VDAC1: variants seen among roughly 807,000 people sequenced by gnomAD.
The protein encoded by VDAC1 is non-selective voltage-gated ion channel VDAC1.
VDAC1 carries 10 observed loss-of-function variants against 34.7 expected under a neutral mutation model. The observed-to-expected ratio is 0.29, with a 90% CI of 0.18 to 0.49. The LOEUF (loss-of-function observed/expected upper bound fraction) is 0.49, where lower values mean the gene tolerates loss of function less well. Ranked by LOEUF, VDAC1 falls within the 20% of genes least tolerant of loss-of-function variation. The pLI is 0.99. For missense variants in VDAC1, 230 were observed against 347.9 expected (o/e 0.66, Z 2.69); for synonymous variants, 130 against 136.0 (o/e 0.96, Z 0.30).
At chr5:134,076,442 G>A in the VDAC1 span, among the ~76,000 whole-genome samples, 1 of 152,200 alleles carries the variant, frequency 6.6e-6, no homozygotes, top group Non-Finnish European at 1.5e-5. Flanking sequence ...GTTTCGGTGT[G>A]TCTAAAGTTT....
At chr5:134,061,839 A>G in the VDAC1 span, among the ~76,000 whole-genome samples, 3 of 151,784 alleles carry the variant, frequency 2.0e-5, no homozygotes, top group Non-Finnish European at 4.4e-5. Flanking sequence ...GATTTTCCTC[A>G]TGTCAGATTT....
chr5:134,047,278 T>A, the VDAC1 span, among the ~76,000 whole-genome samples: 8 of 151,872 alleles, frequency 5.3e-5, no homozygotes, highest in Non-Finnish European at 1.0e-4. Flanking sequence ...AAAGGTTGGG[T>A]GTCAAGTGAT....
At chr5:134,013,502 G>T in the VDAC1 span, among the ~76,000 whole-genome samples, 1 of 152,290 alleles carries the variant, frequency 6.6e-6, no homozygotes, top group Middle Eastern at 3.4e-3. Flanking sequence ...CTTCTGCACA[G>T]CAAAAGAAAC....
At chr5:134,061,566 T>C in the VDAC1 span, among the ~76,000 whole-genome samples, 1 of 151,364 alleles carries the variant, frequency 6.6e-6, no homozygotes, top group Non-Finnish European at 1.5e-5. Context: ...AGAGATGGGG[T>C]CTCCCTATGT....
the VDAC1 span, among the ~76,000 whole-genome samples, chr5:134,047,312 C>T: frequency 6.6e-6 from 1 of 152,090 alleles, no homozygotes; most frequent in African/African-American, 2.4e-5. Flanking sequence ...GTAGGTGGTA[C>T]ATTGAGGGAA....
chr5:134,002,943 G>A (rs1368170611), intron 1 of VDAC1, among the ~76,000 whole-genome samples: 2 of 146,318 alleles, frequency 1.4e-5, no homozygotes, highest in Non-Finnish European at 3.0e-5. Flanking sequence ...TCCAGACCTG[G>A]CAACAGAGCA....
At chr5:134,078,473 C>T in the VDAC1 span, among the ~76,000 whole-genome samples, 23 of 152,186 alleles carry the variant, frequency 1.5e-4, no homozygotes, top group Non-Finnish European at 2.5e-4. Flanking sequence ...GACCCGCCAC[C>T]GCAAGGCACC....
At chr5:134,032,136 A>G in the VDAC1 span, among the ~76,000 whole-genome samples, 3 of 148,510 alleles carry the variant, frequency 2.0e-5, no homozygotes, top group African/African-American at 5.0e-5. Context: ...AAAAAAAAAA[A>G]AAAAAAAAGC....
the VDAC1 span, among the ~76,000 whole-genome samples, chr5:134,106,414 CT>C: frequency 2.7e-5 from 4 of 146,544 alleles, no homozygotes; most frequent in Non-Finnish European, 1.5e-5. Flanking sequence ...TTGTCATCCT[CT>C]TTTTTTTTTT....
the VDAC1 span, among the ~76,000 whole-genome samples, chr5:134,045,696 A>G: frequency 6.7e-6 from 1 of 148,266 alleles, no homozygotes; most frequent in Non-Finnish European, 1.5e-5. Context: ...TTTTTTTGAG[A>G]TGGGGTTTCA....
At chr5:134,028,716 G>A in the VDAC1 span, among the ~76,000 whole-genome samples, 1 of 152,124 alleles carries the variant, frequency 6.6e-6, no homozygotes, top group East Asian at 1.9e-4. Context: ...GGGACCTTGC[G>A]GCCAGCCAAA....
chr5:133,972,870 G>A lies in VDAC1; in HGVS notation c.761-8C>T. 6.2e-7 allele frequency: 1 copy of A among 1,607,750 alleles called. No homozygotes were observed. Among genetic ancestry groups the A allele is most frequent in the African/African-American group, 1.3e-5 (1 of 74,786 alleles). On this transcript the variant is annotated splice_region_variant and splice_polypyrimidine_tract_variant and intron_variant, in intron 8 of 8. Coordinates refer to ENST00000265333, the MANE Select transcript of VDAC1 (RefSeq NM_003374.3). ...ACAGTGTCAGTTTAATACCTGCAGG[G>A]AGAAAAATGAGGGAGAGGAAAGGAG...
At chr5:134,059,654 G>T in the VDAC1 span, among the ~76,000 whole-genome samples, 1 of 152,052 alleles carries the variant, frequency 6.6e-6, no homozygotes, top group Non-Finnish European at 1.5e-5. Flanking sequence ...TGACAACAGG[G>T]TTTCCAGAAT....
intron 5 of VDAC1, among the ~76,000 whole-genome samples, chr5:133,990,207 G>A (rs2126968290): frequency 6.6e-6 from 1 of 152,304 alleles, no homozygotes; most frequent in East Asian, 1.9e-4. Context: ...AGAAGGCCTG[G>A]GGAAAGTGCA....
the VDAC1 span, among the ~76,000 whole-genome samples, chr5:134,033,666 C>A: frequency 4.7e-5 from 7 of 147,844 alleles, no homozygotes; most frequent in Non-Finnish European, 8.9e-5. Flanking sequence ...GTGGGTGAGC[C>A]CAAAATGGAA....
At chr5:134,100,651 T>C in the VDAC1 span, among the ~76,000 whole-genome samples, 1 of 152,182 alleles carries the variant, frequency 6.6e-6, no homozygotes, top group Non-Finnish European at 1.5e-5. Context: ...AATTACAGTG[T>C]GAAAAACCAG....
At chr5:133,984,567 G>A (rs1265567338) in intron 5 of VDAC1, among the ~76,000 whole-genome samples, 1 of 152,116 alleles carries the variant, frequency 6.6e-6, no homozygotes, top group East Asian at 1.9e-4. Flanking sequence ...TTACAGGCGT[G>A]AGCCACCTTG....
the VDAC1 span, among the ~76,000 whole-genome samples, chr5:134,027,853 C>T: frequency 6.7e-6 from 1 of 149,868 alleles, no homozygotes; most frequent in Non-Finnish European, 1.5e-5. Flanking sequence ...TCACTGCAAC[C>T]TCCGCCTCTC....
At chr5:134,108,266 C>T in the VDAC1 span, among the ~76,000 whole-genome samples, 1 of 152,216 alleles carries the variant, frequency 6.6e-6, no homozygotes, top group African/African-American at 2.4e-5. Context: ...TGAAGAAACA[C>T]ATTGGACCAT....
Sources: allele counts gnomAD v4.1 joint callset (sites outside exome capture counted in the v4.1 genomes callset), GRCh38; gene constraint gnomAD v4.1.1; transcripts MANE v1.5; gene names NCBI Gene and HGNC (gene_info 2026-07-23, HGNC 2026-07-21).